KALRN: variants seen among roughly 807,000 people sequenced by gnomAD.
The protein encoded by KALRN is kalirin RhoGEF kinase, also known as kalirin.
KALRN carries 70 observed loss-of-function variants against 353.7 expected under a neutral mutation model. The ratio of observed to expected loss-of-function variants is 0.20; its 90% CI spans 0.16 to 0.24. The LOEUF (loss-of-function observed/expected upper bound fraction) is 0.24, where lower values mean the gene tolerates loss of function less well. Among genes scored for constraint, KALRN ranks in the 10% least tolerant of loss-of-function variants. KALRN has a pLI of 1.00. For missense variants in KALRN, 2,791 were observed against 3,756.7 expected, an observed-to-expected ratio of 0.74 and a Z score of 6.72; for synonymous variants, 1,391 against 1,434.8, an observed-to-expected ratio of 0.97 and a Z score of 0.69.
chr3:124,450,540 G>A (rs1452743068), intron 21 of KALRN, among the ~76,000 whole-genome samples: 1 of 151,874 alleles, frequency 6.6e-6, no homozygotes, highest in Non-Finnish European at 1.5e-5. Context: ...ATAAAAGATA[G>A]GCGTGATGCT....
At chr3:124,513,734 A>C (rs2066212234) in intron 33 of KALRN, among the ~76,000 whole-genome samples, 1 of 152,178 alleles carries the variant, frequency 6.6e-6, no homozygotes, top group South Asian at 2.1e-4. Flanking sequence ...AAGAGGAAAA[A>C]CATAGATTGA....
rs1468312108 is a variant in KALRN at position 124,044,896 on chromosome 3, TC to T, written c.73+11085del. 2.6e-3 allele frequency among the ~76,000 whole-genome samples: 35 copies of T among 13,312 alleles called. No individual in the cohort carries two copies. The South Asian group carries it at 0.031, about 12-fold the overall frequency. The allele number at this position is 13,312 out of a possible 152,430, so 8.7% of individuals were successfully genotyped here. On this transcript the variant is annotated intron_variant, in intron 1 of 59. Coordinates refer to ENST00000682506, the MANE Select transcript of KALRN (RefSeq NM_001388419.1). ...TTCCTTCCTTCCTTCCTTCCTTCCT[TC>T]CTTCCTTCCTTCCTTCTCTTCCTTC... is the stretch of plus-strand genomic sequence containing the variant.
Position 124,658,527 on chromosome 3 carries a change from G to A in KALRN, c.6123+10G>A, listed in dbSNP as rs1197882297. On this transcript the variant is annotated intron_variant, in intron 42 of 59. Coordinates refer to ENST00000682506, the MANE Select transcript of KALRN (RefSeq NM_001388419.1). ...TGACGCCTACTTTGAGGTAAGCTGT[G>A]CAGGCTTTGCTGAACTGGGGTGGGA... 16 of 1,611,098 alleles carry A rather than the reference G, an allele frequency of 9.9e-6. No homozygotes were observed. Among genetic ancestry groups the A allele is most frequent in the Non-Finnish European group, 1.3e-5 (15 of 1,177,242 alleles).
At chr3:124,326,209 G>A (rs1488961080) in intron 7 of KALRN, 38 bp downstream of exon 7, 1 of 1,580,808 alleles carries the variant, frequency 6.3e-7, no homozygotes, top group African/African-American at 1.3e-5. Flanking sequence ...CTGTTGGTAG[G>A]AAGGGTTGGG....
intron 21 of KALRN, among the ~76,000 whole-genome samples, chr3:124,453,491 A>G (rs2059001601): frequency 6.6e-6 from 1 of 152,168 alleles, no homozygotes; most frequent in Admixed American, 6.5e-5. Flanking sequence ...GAGGGGCTGT[A>G]GATAGGCCTG....
chr3:124,280,649 A>G (rs761756708), intron 5 of KALRN, among the ~76,000 whole-genome samples: 13 of 152,160 alleles, frequency 8.5e-5, no homozygotes, highest in Admixed American at 2.0e-4. Context: ...TAGTTTTTGT[A>G]GCCCAAGTTA....
At chr3:124,488,686 C>G (rs1211500514) in intron 29 of KALRN, 1 of 175,948 alleles carries the variant, frequency 5.7e-6, no homozygotes, top group Non-Finnish European at 1.2e-5. Flanking sequence ...GAATAGAAAG[C>G]CTGATCACAT....
intron 3 of KALRN, among the ~76,000 whole-genome samples, chr3:124,258,816 G>A (rs952684470): frequency 1.3e-5 from 2 of 152,128 alleles, no homozygotes; most frequent in South Asian, 2.1e-4. Context: ...TTTCACATTG[G>A]CAGATTCAAC....
intron 2 of KALRN, among the ~76,000 whole-genome samples, chr3:124,234,164 T>C (rs2079489597): frequency 6.6e-6 from 1 of 152,208 alleles, no homozygotes; most frequent in Admixed American, 6.5e-5. Flanking sequence ...ATGTATGCAT[T>C]TGCAGTGATT....
At chr3:124,707,160 G>A (rs541890324) in intron 57 of KALRN, among the ~76,000 whole-genome samples, 38 of 151,918 alleles carry the variant, frequency 2.5e-4, no homozygotes, top group African/African-American at 8.9e-4. Flanking sequence ...GCAACATGGC[G>A]AGACTTCATC....
intron 21 of KALRN, among the ~76,000 whole-genome samples, chr3:124,453,985 T>C (rs1419165295): frequency 6.6e-6 from 1 of 152,236 alleles, no homozygotes; most frequent in Non-Finnish European, 1.5e-5. Context: ...CCCCAAGCCC[T>C]AAACTATAGC....
intron 1 of KALRN, among the ~76,000 whole-genome samples, chr3:124,166,754 G>T (rs1038825773): frequency 6.6e-6 from 1 of 152,072 alleles, no homozygotes; most frequent in African/African-American, 2.4e-5. Flanking sequence ...TCTAAATTTG[G>T]AGGGCCCGGC....
chr3:124,193,640 G>T (rs2075150352), intron 1 of KALRN, among the ~76,000 whole-genome samples: 1 of 151,666 alleles, frequency 6.6e-6, no homozygotes, highest in African/African-American at 2.4e-5. Flanking sequence ...TACAACTTAT[G>T]GCATTTCCAA....
At chr3:124,467,650 CTCCATCCTGGGT>C (rs1374050313) in intron 25 of KALRN, among the ~76,000 whole-genome samples, 1 of 152,128 alleles carries the variant, frequency 6.6e-6, no homozygotes, top group Non-Finnish European at 1.5e-5. Context: ...GGGAGTGGGG[CTCCATCCTGGGT>C]CATGGGAAGC....
chr3:124,635,191 G>T (rs1449704769), intron 36 of KALRN, among the ~76,000 whole-genome samples: 3 of 152,126 alleles, frequency 2.0e-5, no homozygotes, highest in African/African-American at 7.2e-5. Context: ...TACCATCCTG[G>T]GTTCCTGAGA....
At chr3:124,675,890 C>T (rs2150423862) in intron 49 of KALRN, among the ~76,000 whole-genome samples, 1 of 152,310 alleles carries the variant, frequency 6.6e-6, no homozygotes, top group Middle Eastern at 3.4e-3. Context: ...ACTGCTTTGG[C>T]CCTCTAGGTC....
chr3:124,255,538 G>A (rs1320128967), intron 3 of KALRN, among the ~76,000 whole-genome samples: 1 of 152,180 alleles, frequency 6.6e-6, no homozygotes, highest in African/African-American at 2.4e-5. Flanking sequence ...GTGCATTTAT[G>A]TGACACTGTA....
At chr3:124,564,692 T>C (rs1403089541) in intron 34 of KALRN, among the ~76,000 whole-genome samples, 1 of 152,194 alleles carries the variant, frequency 6.6e-6, no homozygotes. Flanking sequence ...AAAGTGTTTT[T>C]AAATTTAATT....
intron 1 of KALRN, among the ~76,000 whole-genome samples, chr3:124,204,271 T>C (rs185683843): frequency 2.4e-4 from 36 of 152,350 alleles, no homozygotes; most frequent in African/African-American, 8.2e-4. Context: ...GCAAACACAA[T>C]TCTTTAGACT....
Sources: gnomAD v4.1 joint callset for allele counts (sites outside exome capture counted in the v4.1 genomes callset) on GRCh38, gnomAD v4.1.1 for gene constraint, MANE v1.5 for transcripts, NCBI Gene and HGNC (gene_info 2026-07-23, HGNC 2026-07-21) for gene names.